The following ANO6 variants were observed in gnomAD, a reference collection of about 807,000 sequenced individuals.
ANO6 encodes the protein anoctamin 6, also known as anoctamin-6.
ANO6 carries 106 observed loss-of-function variants against 117.5 expected under a neutral mutation model. That is an observed-to-expected ratio of 0.90 (90% CI 0.77 to 1.06). The LOEUF is 1.06. Ranked by LOEUF, ANO6 falls within the 50% of genes least tolerant of loss-of-function variation. ANO6 has a pLI of 0.00. For synonymous variants in ANO6, 367 were observed against 385.1 expected, an observed-to-expected ratio of 0.95 and a Z score of 0.55; for missense variants, 955 against 1,121.1, an observed-to-expected ratio of 0.85 and a Z score of 2.12.
intron 1 of ANO6, among the ~76,000 whole-genome samples, chr12:45,242,519 T>C (rs1036989318): frequency 1.3e-5 from 2 of 152,224 alleles, no homozygotes; most frequent in Non-Finnish European, 2.9e-5. Context: ...CCCCGACCCC[T>C]TGTGCTTCCT....
intron 2 of ANO6, among the ~76,000 whole-genome samples, chr12:45,305,458 A>C (rs1939637891): frequency 1.3e-5 from 2 of 152,240 alleles, no homozygotes; most frequent in African/African-American, 4.8e-5. Context: ...ATTGATAAGC[A>C]TAACTAATCC....
At chr12:45,439,455 C>T (rs1212215869) in intron 19 of ANO6, among the ~76,000 whole-genome samples, 1 of 152,168 alleles carries the variant, frequency 6.6e-6, no homozygotes, top group Non-Finnish European at 1.5e-5. Flanking sequence ...GCAAATCAAA[C>T]AAGGCTATCA....
intron 9 of ANO6, among the ~76,000 whole-genome samples, chr12:45,375,579 A>G (rs1941986857): frequency 6.6e-6 from 1 of 152,204 alleles, no homozygotes; most frequent in African/African-American, 2.4e-5. Flanking sequence ...ATCTTTGACA[A>G]ACCTGACAAA....
rs1938014916 is a variant in ANO6 at position 45,261,066 on chromosome 12, A to G, written c.71-40948A>G. Among the ~76,000 whole-genome samples the G allele has an allele frequency of 5.3e-5, 8 of 152,136 alleles. No homozygotes were observed. The South Asian group carries it at 1.5e-3, about 28-fold the overall frequency. On this transcript the variant is annotated intron_variant, in intron 1 of 19. Coordinates refer to ENST00000320560, the MANE Select transcript of ANO6 (RefSeq NM_001025356.3). ...AAATCCTGGCCTTAAGTGATCCCCC[A>G]GCCTTGGCCTCCCCAAATGTTACGT...
intron 1 of ANO6, among the ~76,000 whole-genome samples, chr12:45,280,640 G>T (rs1300149349): frequency 1.3e-5 from 2 of 152,088 alleles, no homozygotes; most frequent in Admixed American, 1.3e-4. Flanking sequence ...AATGGAAACT[G>T]ATCCTGGCAC....
At chr12:45,312,939 C>G (rs1939894137) in intron 2 of ANO6, among the ~76,000 whole-genome samples, 1 of 151,970 alleles carries the variant, frequency 6.6e-6, no homozygotes, top group African/African-American at 2.4e-5. Flanking sequence ...TTGTAAAATG[C>G]AGGATGTGTG....
chr12:45,242,826 T>G (rs543767235), intron 1 of ANO6, among the ~76,000 whole-genome samples: 4 of 152,286 alleles, frequency 2.6e-5, no homozygotes. Context: ...ATAGAAAAGC[T>G]TACAATTTTT....
At chr12:45,317,618 T>G (rs573265778) in intron 2 of ANO6, among the ~76,000 whole-genome samples, 10 of 152,166 alleles carry the variant, frequency 6.6e-5, no homozygotes, top group South Asian at 6.2e-4. Flanking sequence ...ATGATTTATA[T>G]TCCTTTGGGT....
At chr12:45,365,922 C>G (rs1182721001) in intron 8 of ANO6, among the ~76,000 whole-genome samples, 1 of 152,166 alleles carries the variant, frequency 6.6e-6, no homozygotes, top group Non-Finnish European at 1.5e-5. Context: ...TGCCAGTGTT[C>G]TCATTGCTTT....
At chr12:45,289,954 G>A (rs1008562581) in intron 1 of ANO6, among the ~76,000 whole-genome samples, 1 of 152,062 alleles carries the variant, frequency 6.6e-6, no homozygotes, top group African/African-American at 2.4e-5. Context: ...AATTTTTTTG[G>A]TAATTCCTTT....
At chr12:45,327,613 A>G (rs1440734521) in intron 2 of ANO6, among the ~76,000 whole-genome samples, 1 of 152,190 alleles carries the variant, frequency 6.6e-6, no homozygotes, top group Non-Finnish European at 1.5e-5. Flanking sequence ...GCAAGTGTCT[A>G]TAATAGATGT....
rs765814948 is a variant in ANO6, at chr12:45,331,254, A to G, written c.151-41A>G. On this transcript the variant is annotated intron_variant, in intron 2 of 19. Coordinates refer to ENST00000320560, the MANE Select transcript of ANO6 (RefSeq NM_001025356.3). Reference sequence around the variant, plus strand: ...AACACTTATAAGTCAGCATTTTTTCAAAAAATTATATATTACAATTTGTTT... The same window carrying G: ...AACACTTATAAGTCAGCATTTTTTCGAAAAATTATATATTACAATTTGTTT... 5 of 1,554,072 alleles carry G rather than the reference A, an allele frequency of 3.2e-6. No homozygotes were observed. The African/African-American group carries it at 6.9e-5, about 21-fold the overall frequency.
intron 1 of ANO6, among the ~76,000 whole-genome samples, chr12:45,218,247 G>A (rs1294733967): frequency 6.6e-6 from 1 of 151,978 alleles, no homozygotes; most frequent in Non-Finnish European, 1.5e-5. Context: ...TACTGTAGGG[G>A]TCATCTCAAC....
intron 2 of ANO6, among the ~76,000 whole-genome samples, chr12:45,317,344 T>G (rs1015725988): frequency 5.1e-5 from 7 of 136,964 alleles, no homozygotes; most frequent in Non-Finnish European, 9.4e-5. Context: ...ATTGTTCAAT[T>G]CCCACCTATG....
chr12:45,257,273 C>T lies in ANO6; in HGVS notation c.70+40882C>T, dbSNP rs575700683. Among the ~76,000 whole-genome samples the T allele has an allele frequency of 3.9e-5, 6 of 152,286 alleles. No homozygotes were observed. In the South Asian group the frequency reaches 1.2e-3, roughly 32 times the overall value. ...AGTTTCAGATCTGTTCCTAGAGCTT[C>T]AGAGCCCCATCCAGGCCATCTCCAC... On this transcript the variant is annotated intron_variant, in intron 1 of 19. Transcript: ENST00000320560.
At chr12:45,291,637 A>G (rs1939104040) in intron 1 of ANO6, among the ~76,000 whole-genome samples, 3 of 152,306 alleles carry the variant, frequency 2.0e-5, no homozygotes, top group African/African-American at 7.2e-5. Flanking sequence ...AAAATAGGCA[A>G]AGGACTTGAG....
At chr12:45,279,774 A>T (rs1302984331) in intron 1 of ANO6, among the ~76,000 whole-genome samples, 2 of 152,238 alleles carry the variant, frequency 1.3e-5, no homozygotes, top group Non-Finnish European at 2.9e-5. Context: ...GCATAGATTT[A>T]TTTCCAAGAA....
At chr12:45,302,764 C>T (rs1002213710) in intron 2 of ANO6, among the ~76,000 whole-genome samples, 1 of 152,058 alleles carries the variant, frequency 6.6e-6, no homozygotes, top group African/African-American at 2.4e-5. Flanking sequence ...ACATTAGGCT[C>T]ATTTGGAGGG....
At chr12:45,369,451 C>A (rs1455881307) in intron 9 of ANO6, among the ~76,000 whole-genome samples, 1 of 152,110 alleles carries the variant, frequency 6.6e-6, no homozygotes, top group Non-Finnish European at 1.5e-5. Flanking sequence ...CTCCACCTAC[C>A]CTCCTTAAGC....
Sources: gnomAD v4.1 joint callset for allele counts (sites outside exome capture counted in the v4.1 genomes callset) on GRCh38, gnomAD v4.1.1 for gene constraint, MANE v1.5 for transcripts, NCBI Gene and HGNC (gene_info 2026-07-23, HGNC 2026-07-21) for gene names.